The following METAP1 variants were observed in gnomAD, a reference collection of about 807,000 sequenced individuals.
The protein encoded by METAP1 is methionine aminopeptidase 1.
A neutral mutation model predicts 53.8 loss-of-function variants in METAP1; 28 were observed. The ratio of observed to expected loss-of-function variants is 0.52; its 90% CI spans 0.39 to 0.71. The LOEUF (loss-of-function observed/expected upper bound fraction) is 0.71. Among genes scored for constraint, METAP1 ranks in the 30% least tolerant of loss-of-function variants. The pLI, the probability that METAP1 is intolerant of heterozygous loss-of-function variation, is 0.00. For synonymous variants in METAP1, 181 were observed against 165.7 expected, an observed-to-expected ratio of 1.09 and a Z score of -0.71; for missense variants, 389 against 479.8, an observed-to-expected ratio of 0.81 and a Z score of 1.77.
chr4:99,034,575 A>T (rs1725290397), intron 3 of METAP1, among the ~76,000 whole-genome samples: 1 of 152,168 alleles, frequency 6.6e-6, no homozygotes, highest in South Asian at 2.1e-4. Flanking sequence ...AAAGAAGTGT[A>T]GGGTAAGGTA....
chr4:99,039,561 A>G (rs1579305343), intron 5 of METAP1, 96 bp downstream of exon 5: 6 of 690,948 alleles, frequency 8.7e-6, no homozygotes, highest in Non-Finnish European at 1.5e-5. Flanking sequence ...AGCAAATGTT[A>G]TATTGTTAGA....
chr4:99,004,512 C>A (rs1723087932), intron 1 of METAP1, among the ~76,000 whole-genome samples: 1 of 122,072 alleles, frequency 8.2e-6, no homozygotes, highest in Non-Finnish European at 1.8e-5. Context: ...CACACACACA[C>A]AAAATAACAC....
chr4:99,042,996 A>G (rs959779878), intron 6 of METAP1, among the ~76,000 whole-genome samples: 1 of 152,168 alleles, frequency 6.6e-6, no homozygotes, highest in African/African-American at 2.4e-5. Flanking sequence ...GATTAGGAAT[A>G]CTTAACCTGT....
chr4:99,044,296 C>A (rs1726073105), intron 7 of METAP1, among the ~76,000 whole-genome samples: 1 of 152,112 alleles, frequency 6.6e-6, no homozygotes, highest in South Asian at 2.1e-4. Flanking sequence ...AACTACCTAT[C>A]AAATGAGGAA....
At chr4:99,052,231 C>A (rs1726765097) in intron 9 of METAP1, among the ~76,000 whole-genome samples, 2 of 152,114 alleles carry the variant, frequency 1.3e-5, no homozygotes, top group African/African-American at 2.4e-5. Flanking sequence ...AGTTGTAATC[C>A]TCTGGCTGGT....
chr4:99,052,920 G>A (rs185615199), intron 9 of METAP1, among the ~76,000 whole-genome samples: 57 of 152,240 alleles, frequency 3.7e-4, no homozygotes, highest in Non-Finnish European at 4.4e-5. Context: ...CAAATCTTTT[G>A]TTGTCATCTC....
At chr4:99,043,676 G>GT (rs1176145195) in intron 7 of METAP1, among the ~76,000 whole-genome samples, 2 of 152,064 alleles carry the variant, frequency 1.3e-5, no homozygotes, top group African/African-American at 4.8e-5. Flanking sequence ...GTGGAGTCTA[G>GT]TTTTTTTCCC....
intron 5 of METAP1, among the ~76,000 whole-genome samples, chr4:99,040,271 G>A (rs1202590978): frequency 6.6e-6 from 1 of 152,186 alleles, no homozygotes; most frequent in African/African-American, 2.4e-5. Flanking sequence ...ATGATGAGTG[G>A]TAGTAGTGGT....
chr4:99,010,437 C>T (rs62323248), intron 1 of METAP1, among the ~76,000 whole-genome samples: 3,772 of 152,224 alleles, frequency 0.025, 57 homozygotes, highest in Non-Finnish European at 0.035. Context: ...GCTTAGGTGA[C>T]GAGGTGAGAC....
chr4:99,049,656 C>A (rs1381849255), intron 9 of METAP1, among the ~76,000 whole-genome samples: 2 of 152,128 alleles, frequency 1.3e-5, no homozygotes, highest in African/African-American at 4.8e-5. Context: ...AAGCTGTCCA[C>A]AGTAAGTGAC....
chr4:99,008,378 T>C (rs1366559588), intron 1 of METAP1, among the ~76,000 whole-genome samples: 1 of 152,188 alleles, frequency 6.6e-6, no homozygotes, highest in African/African-American at 2.4e-5. Context: ...TGCTGTTCAG[T>C]TGAATATTTT....
chr4:99,003,090 A>C (rs1263534706), intron 1 of METAP1, among the ~76,000 whole-genome samples: 1 of 152,192 alleles, frequency 6.6e-6, no homozygotes, highest in Non-Finnish European at 1.5e-5. Flanking sequence ...CAAACAAAAA[A>C]CAACAAACCA....
chr4:99,041,350 GT>G (rs1725851381), intron 6 of METAP1, among the ~76,000 whole-genome samples: 1 of 151,936 alleles, frequency 6.6e-6, no homozygotes, highest in Admixed American at 6.6e-5. Context: ...GAAATATCTT[GT>G]TTCTGAAACA....
intron 2 of METAP1, 86 bp downstream of exon 2, chr4:99,029,004 G>GTATATTTGAATGTTCTGAAAGTA: frequency 1.1e-6 from 1 of 897,326 alleles, no homozygotes; most frequent in Non-Finnish European, 1.7e-6. Flanking sequence ...TTCTGAAAGT[G>GTATATTTGAATGTTCTGAAAGTA]TATATTTGAA....
chr4:99,025,635 C>A, intron 1 of METAP1: 1 of 289,096 alleles, frequency 3.5e-6, no homozygotes, highest in Non-Finnish European at 5.2e-6. Flanking sequence ...TGCCAACCAC[C>A]CTGGCCCCCA....
At chr4:99,016,051 C>T (rs1253293013) in intron 1 of METAP1, among the ~76,000 whole-genome samples, 1 of 152,104 alleles carries the variant, frequency 6.6e-6, no homozygotes, top group Non-Finnish European at 1.5e-5. Flanking sequence ...CTGGCTCGAG[C>T]CTTCCTTCCT....
At chr4:98,997,282 C>T (rs550793322) in intron 1 of METAP1, 1 of 152,792 alleles carries the variant, frequency 6.5e-6, no homozygotes, top group South Asian at 2.1e-4. Flanking sequence ...CTGTGTTATA[C>T]AGTCTTGTTT....
Position 99,062,305 on chromosome 4 carries a change from A to G in METAP1, c.*988A>G, listed in dbSNP as rs1169992053. On this transcript the variant is annotated 3_prime_UTR_variant, in exon 11 of 11. Coordinates refer to ENST00000296411, the MANE Select transcript of METAP1 (RefSeq NM_015143.3). ...TAAAATCTAACGTTGAGTAAATGTG[A>G]TAGTGATGAGAAAGGAATTTTGTGT... 1 of 152,278 alleles carries G rather than the reference A, an allele frequency of 6.6e-6. No homozygotes were observed. Among genetic ancestry groups the G allele is most frequent in the African/African-American group, 2.4e-5 (1 of 41,470 alleles). 9.4% of individuals were successfully genotyped at this position (152,278 alleles called of 1,614,324 possible). A position where few individuals can be genotyped will look rare whatever the true frequency, so the allele number is the denominator to read the frequency against.
chr4:99,026,693 G>C (rs1724591879), intron 1 of METAP1: 1 of 985,304 alleles, frequency 1.0e-6, no homozygotes, highest in Non-Finnish European at 1.2e-6. Context: ...CTTCTACTGG[G>C]GAATAAGAGG....
Sources: gnomAD v4.1 joint callset for allele counts (sites outside exome capture counted in the v4.1 genomes callset) on GRCh38, gnomAD v4.1.1 for gene constraint, MANE v1.5 for transcripts, NCBI Gene and HGNC (gene_info 2026-07-23, HGNC 2026-07-21) for gene names.